Variants in SLC12A7 observed in about 807,000 individuals in gnomAD.
SLC12A7 encodes the protein solute carrier family 12 member 7.
Under a neutral mutation model 120.6 loss-of-function variants are expected in SLC12A7, and 100 were observed. The observed-to-expected ratio is 0.83, with a 90% CI of 0.71 to 0.98. The LOEUF is 0.98. SLC12A7 is among the 50% of genes least tolerant of loss of function. SLC12A7 has a pLI of 0.00. For synonymous variants in SLC12A7, 760 were observed against 678.0 expected, an observed-to-expected ratio of 1.12 and a Z score of -1.88; for missense variants, 1,373 against 1,548.1, an observed-to-expected ratio of 0.89 and a Z score of 1.90.
chr5:1,090,259 C>T (rs894291821), intron 3 of SLC12A7, among the ~76,000 whole-genome samples: 1 of 152,200 alleles, frequency 6.6e-6, no homozygotes, highest in African/African-American at 2.4e-5. Flanking sequence ...AAGGCTGGGG[C>T]CAGGGCAGGG....
At chr5:1,130,325 G>C in the SLC12A7 span, among the ~76,000 whole-genome samples, 1 of 152,162 alleles carries the variant, frequency 6.6e-6, no homozygotes, top group Non-Finnish European at 1.5e-5. Context: ...TCCTGTCTCC[G>C]CTCAACACCC....
chr5:1,075,339 C>T (rs1184963111), intron 15 of SLC12A7, 32 bp downstream of exon 15: 1 of 1,598,988 alleles, frequency 6.3e-7, no homozygotes, highest in Non-Finnish European at 8.6e-7. Context: ...CTCCCGTGCG[C>T]CGGGTCTGTA....
intron 1 of SLC12A7, among the ~76,000 whole-genome samples, chr5:1,107,564 C>A (rs1273587280): frequency 1.3e-5 from 2 of 152,234 alleles, no homozygotes; most frequent in Admixed American, 6.5e-5. Flanking sequence ...ATTCACCGAT[C>A]CCCAGCAAAC....
At chr5:1,075,958 G>T in intron 14 of SLC12A7, 180 bp downstream of exon 14, 1 of 589,080 alleles carries the variant, frequency 1.7e-6, no homozygotes, top group Non-Finnish European at 3.0e-6. Flanking sequence ...GGCTTACTCC[G>T]CAAAGGAACA....
At position 1,051,036 on chromosome 5, in the gene SLC12A7, C is replaced by T. The variant is rs953968553; in HGVS notation, c.*1324G>A. On this transcript the variant is annotated 3_prime_UTR_variant, in exon 24 of 24. Transcript: ENST00000264930. ...GGACAACCTTGTTACCACGTAACTCCCTGGGGTGTTTAAATAAATAAATAT... is the reference window on the plus strand; with the variant it reads ...GGACAACCTTGTTACCACGTAACTCTCTGGGGTGTTTAAATAAATAAATAT... The T allele has an allele frequency of 5.0e-6, 2 of 398,272 alleles. No homozygotes were observed. The highest frequency in any genetic ancestry group is 3.6e-5 in the East Asian group (1 of 28,078). The allele number at this position is 398,272 out of a possible 1,614,324, so 24.7% of individuals were successfully genotyped here. A position where few individuals can be genotyped will look rare whatever the true frequency, so the allele number is the denominator to read the frequency against.
intron 11 of SLC12A7, 128 bp from the exon 12 acceptor site, chr5:1,078,135 G>C: frequency 1.7e-6 from 2 of 1,159,054 alleles, no homozygotes; most frequent in Non-Finnish European, 2.4e-6. Context: ...CTGAGGCCCG[G>C]CCTCCAGTCC....
chr5:1,050,609 C>T lies in SLC12A7; in HGVS notation c.*1751G>A. ...AACTGAGCGGCCCTCAGAAGCAGGG[C>T]TGTTTTCCAGCCACCAACCAACGTT... On this transcript the variant is annotated 3_prime_UTR_variant, in exon 24 of 24. Coordinates refer to ENST00000264930, the MANE Select transcript of SLC12A7 (RefSeq NM_006598.3). 1 of 365,782 alleles carries T rather than the reference C, an allele frequency of 2.7e-6. No homozygotes were observed. The highest frequency in any genetic ancestry group is 4.0e-5 in the East Asian group (1 of 25,280). The allele number at this position is 365,782 out of a possible 1,614,324, so 22.7% of individuals were successfully genotyped here. A position where few individuals can be genotyped will look rare whatever the true frequency, so the allele number is the denominator to read the frequency against.
chr5:1,065,835 G>A (rs566015375), intron 17 of SLC12A7, among the ~76,000 whole-genome samples: 2 of 152,030 alleles, frequency 1.3e-5, no homozygotes, highest in East Asian at 3.9e-4. Flanking sequence ...TCCACCTGGT[G>A]CATCAGAAAC....
In SLC12A7 at chr5:1,093,485, G is replaced by C; in HGVS notation, c.342+48C>G. 6 of 1,566,352 alleles carry C rather than the reference G, an allele frequency of 3.8e-6. No individual in the cohort carries two copies. The South Asian group carries it at 5.8e-5, about 15-fold the overall frequency. ...CTTGCCGGCGTGATCTAACCCTGCC[G>C]GGACACACGGGGCGGGGACTGGGCG... is the stretch of plus-strand genomic sequence containing the variant. On this transcript the variant is annotated intron_variant, in intron 3 of 23. Coordinates refer to ENST00000264930, the MANE Select transcript of SLC12A7 (RefSeq NM_006598.3).
At chr5:1,059,494 T>A (rs4291057) in intron 21 of SLC12A7, among the ~76,000 whole-genome samples, 142,772 of 152,198 alleles carry the variant, frequency 0.94, 67,643 homozygotes, top group East Asian at 1. Flanking sequence ...GATACCAGCC[T>A]GGTGGGACCC....
In SLC12A7 at chr5:1,089,147, T is replaced by C. The variant is rs1447402150; in HGVS notation, c.343-19A>G. Reference sequence around the variant, plus strand: ...GCGGAGCCTGCGACAGAGCATAGCGTGTCCCAGGGGCTCGTACCCCACACC... The same window carrying C: ...GCGGAGCCTGCGACAGAGCATAGCGCGTCCCAGGGGCTCGTACCCCACACC... On this transcript the variant is annotated intron_variant, in intron 3 of 23. Coordinates refer to ENST00000264930, the MANE Select transcript of SLC12A7 (RefSeq NM_006598.3). The C allele has an allele frequency of 1.2e-6, 2 of 1,610,608 alleles. No homozygotes were observed. The highest frequency in any genetic ancestry group is 3.3e-5 in the Admixed American group (2 of 59,954).
chr5:1,111,244 C>A (rs1202528134), intron 1 of SLC12A7, among the ~76,000 whole-genome samples: 1 of 152,142 alleles, frequency 6.6e-6, no homozygotes, highest in Non-Finnish European at 1.5e-5. Flanking sequence ...GTCCCCACCC[C>A]CTAGAGAAAG....
intron 1 of SLC12A7, among the ~76,000 whole-genome samples, chr5:1,110,291 C>T (rs898913318): frequency 1.3e-5 from 2 of 152,234 alleles, no homozygotes; most frequent in South Asian, 2.1e-4. Context: ...GAAGCCCACA[C>T]CTGGCCCATG....
At chr5:1,086,352 G>A (rs1447273524) in intron 6 of SLC12A7, among the ~76,000 whole-genome samples, 5 of 152,196 alleles carry the variant, frequency 3.3e-5, no homozygotes, top group Admixed American at 2.6e-4. Flanking sequence ...GACAGCACCC[G>A]TCGGCCAGAG....
At chr5:1,131,859 C>T in the SLC12A7 span, among the ~76,000 whole-genome samples, 1 of 152,342 alleles carries the variant, frequency 6.6e-6, no homozygotes, top group East Asian at 1.9e-4. Flanking sequence ...GGAGCAGCTT[C>T]CCAGGTGGGG....
intron 9 of SLC12A7, among the ~76,000 whole-genome samples, chr5:1,079,738 C>A (rs1738795997): frequency 1.3e-5 from 2 of 152,324 alleles, no homozygotes; most frequent in South Asian, 2.1e-4. Flanking sequence ...CGAGAACCGA[C>A]CCCGTCACTG....
the SLC12A7 span, among the ~76,000 whole-genome samples, chr5:1,124,177 G>A: frequency 4.6e-4 from 70 of 152,308 alleles, no homozygotes; most frequent in African/African-American, 1.4e-3. Context: ...AGCTAGATTC[G>A]TCCTCAGGGA....
At chr5:1,112,090 G>GCCGCC (rs908516392), upstream of SLC12A7, 11 of 1,159,200 alleles carry the variant, frequency 9.5e-6, no homozygotes, top group Admixed American at 9.0e-5. Flanking sequence ...GTCCGACCGA[G>GCCGCC]CCGCCCCGCC....
chr5:1,073,283 G>A (rs1375336827), intron 17 of SLC12A7, among the ~76,000 whole-genome samples: 3 of 108,836 alleles, frequency 2.8e-5, no homozygotes, highest in African/African-American at 1.2e-4. Flanking sequence ...CCCAGCACAC[G>A]GGCATCACAC....
Sources: gnomAD v4.1 joint callset for allele counts (sites outside exome capture counted in the v4.1 genomes callset) on GRCh38, gnomAD v4.1.1 for gene constraint, MANE v1.5 for transcripts, NCBI Gene and HGNC (gene_info 2026-07-23, HGNC 2026-07-21) for gene names.